The following KIF26B variants were observed in gnomAD, a reference collection of about 807,000 sequenced individuals.
The protein encoded by KIF26B is kinesin-like protein KIF26B.
A neutral mutation model predicts 151.2 loss-of-function variants in KIF26B; 63 were observed. The observed-to-expected ratio is 0.42, with a 90% CI of 0.34 to 0.51. KIF26B has a LOEUF of 0.51. Ranked by LOEUF, KIF26B falls within the 20% of genes least tolerant of loss-of-function variation. The probability of loss-of-function intolerance (pLI) is 0.07; values close to 1 mark genes in which losing one functional copy is unlikely to be tolerated. For missense variants in KIF26B, 2,813 were observed against 2,913.6 expected (o/e 0.97, Z 0.79); for synonymous variants, 1,357 against 1,262.1 (o/e 1.08, Z -1.59).
chr1:245,323,894 G>A (rs938374535), intron 2 of KIF26B, among the ~76,000 whole-genome samples: 4 of 151,756 alleles, frequency 2.6e-5, no homozygotes, highest in African/African-American at 7.3e-5. Context: ...GGTGGAGGTG[G>A]GGTGGTCCTG....
intron 2 of KIF26B, among the ~76,000 whole-genome samples, chr1:245,325,556 T>C (rs556552175): frequency 1.8e-4 from 28 of 151,872 alleles, no homozygotes; most frequent in Non-Finnish European, 3.5e-4. Context: ...CTACTACAAG[T>C]ACAAAATTAG....
In KIF26B at chr1:245,702,979, C is replaced by A; in HGVS notation, c.*373C>A. On this transcript the variant is annotated 3_prime_UTR_variant, in exon 15 of 15. Coordinates refer to ENST00000407071, the MANE Select transcript of KIF26B (RefSeq NM_018012.4). The surrounding 1 kb of genome is among the most constrained non-coding windows in gnomAD (Gnocchi z 4.1). ...GTGGATGTAGGATTGCTGTGGAAAG[C>A]GAACACAAAACAACCCAGAATGACT... 1 of 201,348 alleles carries A rather than the reference C, an allele frequency of 5.0e-6. No homozygotes were observed. Among genetic ancestry groups the A allele is most frequent in the Non-Finnish European group, 9.9e-6 (1 of 100,638 alleles). The allele number at this position is 201,348 out of a possible 1,614,324, so 12.5% of individuals were successfully genotyped here. A position where few individuals can be genotyped will look rare whatever the true frequency, so the allele number is the denominator to read the frequency against.
chr1:245,185,846 CTATT>C (rs1558337866), intron 2 of KIF26B, among the ~76,000 whole-genome samples: 1 of 151,576 alleles, frequency 6.6e-6, no homozygotes, highest in Non-Finnish European at 1.5e-5. Context: ...TAAAGAAAAG[CTATT>C]TATATTTTCT....
intron 2 of KIF26B, among the ~76,000 whole-genome samples, chr1:245,265,411 T>A (rs1211845990): frequency 2.0e-5 from 3 of 152,032 alleles, no homozygotes; most frequent in African/African-American, 4.8e-5. Context: ...ATTCAATAAA[T>A]AGTGCTGAGA....
At chr1:245,415,631 A>C (rs1249391101) in intron 3 of KIF26B, among the ~76,000 whole-genome samples, 1 of 152,174 alleles carries the variant, frequency 6.6e-6, no homozygotes, top group African/African-American at 2.4e-5. Flanking sequence ...TACTGAGAGC[A>C]AGCCTCGCTC....
chr1:245,700,961 T>G (rs1316712377), intron 14 of KIF26B, among the ~76,000 whole-genome samples: 1 of 152,032 alleles, frequency 6.6e-6, no homozygotes, highest in Non-Finnish European at 1.5e-5. Flanking sequence ...TTTTGCTATT[T>G]TCATTAACAT....
intron 3 of KIF26B, among the ~76,000 whole-genome samples, chr1:245,406,609 A>G (rs1477816372): frequency 6.6e-6 from 1 of 152,162 alleles, no homozygotes; most frequent in Non-Finnish European, 1.5e-5. Flanking sequence ...TTAGAATTAA[A>G]TGCTGCAGCA....
intron 4 of KIF26B, among the ~76,000 whole-genome samples, chr1:245,426,297 T>C (rs1658648730): frequency 6.6e-6 from 1 of 151,932 alleles, no homozygotes; most frequent in Non-Finnish European, 1.5e-5. Flanking sequence ...ACGAAAAATA[T>C]GTCTCTCCTG....
chr1:245,203,163 C>G (rs1187912968), intron 2 of KIF26B, among the ~76,000 whole-genome samples: 1 of 146,174 alleles, frequency 6.8e-6, no homozygotes, highest in African/African-American at 2.5e-5. Flanking sequence ...AGGAGAATAG[C>G]TTGAACCTGG....
intron 5 of KIF26B, among the ~76,000 whole-genome samples, chr1:245,599,731 C>T (rs769717289): frequency 9.9e-5 from 15 of 152,062 alleles, no homozygotes; most frequent in African/African-American, 1.7e-4. Context: ...CCCAAAGTTG[C>T]GACTTGAATG....
At chr1:245,322,210 C>T (rs927955714) in intron 2 of KIF26B, among the ~76,000 whole-genome samples, 15 of 151,466 alleles carry the variant, frequency 9.9e-5, no homozygotes, top group Admixed American at 7.2e-4. Context: ...CATCACACAC[C>T]GGGGCCTGTG....
intron 4 of KIF26B, among the ~76,000 whole-genome samples, chr1:245,476,290 A>G (rs1051090700): frequency 6.6e-6 from 1 of 151,786 alleles, no homozygotes; most frequent in Non-Finnish European, 1.5e-5. Context: ...AAAGGGTGTG[A>G]GTGAGGAAGA....
intron 4 of KIF26B, among the ~76,000 whole-genome samples, chr1:245,458,428 C>T (rs1659585059): frequency 6.6e-6 from 1 of 152,204 alleles, no homozygotes; most frequent in Non-Finnish European, 1.5e-5. Flanking sequence ...GTCCGCCCGT[C>T]AGTGACTGAT....
intron 3 of KIF26B, among the ~76,000 whole-genome samples, chr1:245,371,131 A>T (rs959204094): frequency 2.2e-4 from 33 of 152,328 alleles, no homozygotes; most frequent in Admixed American, 6.5e-4. Context: ...GAACAGACCA[A>T]TTCATGCATT....
At chr1:245,491,220 T>TA (rs886807849) in intron 4 of KIF26B, among the ~76,000 whole-genome samples, 1 of 152,176 alleles carries the variant, frequency 6.6e-6, no homozygotes, top group African/African-American at 2.4e-5. Flanking sequence ...ATGTAGGACC[T>TA]AAAAAATTTA....
intron 3 of KIF26B, among the ~76,000 whole-genome samples, chr1:245,398,920 C>T (rs1049090209): frequency 3.3e-5 from 5 of 152,140 alleles, no homozygotes; most frequent in African/African-American, 7.2e-5. Context: ...GAGTAAGATG[C>T]GTATACCATT....
intron 2 of KIF26B, among the ~76,000 whole-genome samples, chr1:245,356,572 T>A (rs1672706194): frequency 6.6e-6 from 1 of 151,524 alleles, no homozygotes; most frequent in Non-Finnish European, 1.5e-5. Flanking sequence ...AAAAAAAAAA[T>A]TAAAAAATTC....
intron 2 of KIF26B, among the ~76,000 whole-genome samples, chr1:245,257,911 A>G (rs1670567436): frequency 1.3e-5 from 2 of 152,014 alleles, no homozygotes; most frequent in Admixed American, 1.3e-4. Flanking sequence ...AATCCCAGCT[A>G]CTCGGGAGGC....
rs1670176328 is a variant in KIF26B at position 245,239,647 on chromosome 1, G to A, written c.465+82964G>A. 6.6e-6 allele frequency among the ~76,000 whole-genome samples: 1 copy of A among 152,008 alleles called. No individual in the cohort carries two copies. The highest frequency in any genetic ancestry group is 2.1e-4 in the South Asian group (1 of 4,822). On this transcript the variant is annotated intron_variant, in intron 2 of 14. Coordinates refer to ENST00000407071, the MANE Select transcript of KIF26B (RefSeq NM_018012.4). The surrounding 1 kb of genome is among the most constrained non-coding windows in gnomAD (Gnocchi z 4.3). ...GCCTCCATAGTAGCTGGGATTACAG[G>A]TGCCCGCCACCACGCCTGGCTAATT...
Sources: allele counts gnomAD v4.1 joint callset (sites outside exome capture counted in the v4.1 genomes callset), GRCh38; gene constraint gnomAD v4.1.1; non-coding constraint Gnocchi (gnomAD v3.1); transcripts MANE v1.5; gene names NCBI Gene and HGNC (gene_info 2026-07-23, HGNC 2026-07-21).